Variants in DYRK4 observed in about 807,000 individuals in gnomAD.
The protein encoded by DYRK4 is dual specificity tyrosine phosphorylation regulated kinase 4.
In DYRK4, 64 loss-of-function variants were observed where a neutral mutation model predicts 68.3. The ratio of observed to expected loss-of-function variants is 0.94; its 90% CI spans 0.77 to 1.15. DYRK4 has a LOEUF of 1.15. DYRK4 is among the 50% of genes most tolerant of loss of function. DYRK4 has a pLI of 0.00. For synonymous variants in DYRK4, 274 were observed against 289.9 expected, an observed-to-expected ratio of 0.95 and a Z score of 0.56; for missense variants, 740 against 764.7, an observed-to-expected ratio of 0.97 and a Z score of 0.38.
At chr12:4,567,191 T>C (rs1009335727) in intron 1 of DYRK4, 6 of 152,284 alleles carry the variant, frequency 3.9e-5, no homozygotes, top group African/African-American at 1.4e-4. Context: ...ATCATTTATA[T>C]GGTGTCTGCA....
chr12:4,596,411 C>T, intron 7 of DYRK4, 126 bp downstream of exon 7: 1 of 1,529,940 alleles, frequency 6.5e-7, no homozygotes, highest in Non-Finnish European at 8.7e-7. Context: ...TTTTCTCTTT[C>T]TACCCGTCTG....
At chr12:4,572,405 C>A (rs1285585482) in intron 2 of DYRK4, among the ~76,000 whole-genome samples, 3 of 152,140 alleles carry the variant, frequency 2.0e-5, no homozygotes, top group African/African-American at 7.2e-5. Context: ...CCTCAGCCTC[C>A]GGAGTAGCTG....
intron 10 of DYRK4, among the ~76,000 whole-genome samples, chr12:4,603,933 G>A (rs1249344443): frequency 6.6e-6 from 1 of 152,066 alleles, no homozygotes; most frequent in Non-Finnish European, 1.5e-5. Context: ...TATTTTAACT[G>A]TGAGGCAGTA....
In DYRK4 at chr12:4,562,226, G is replaced by C. The variant is rs529572151; in HGVS notation, c.-20G>C. The C allele has an allele frequency of 8.6e-5, 131 of 1,524,370 alleles. No homozygotes were observed. In the African/African-American group the frequency reaches 1.6e-3, roughly 18 times the overall value. The allele number at this position is 1,524,370 out of a possible 1,614,324, so 94.4% of individuals were successfully genotyped here. A position where few individuals can be genotyped will look rare whatever the true frequency, so the allele number is the denominator to read the frequency against. ...GGCTCTCACAGCCTCCCGCAGCGGC[G>C]GGCGGTCAGCGCCGGCCTCATGCAG... On this transcript the variant is annotated 5_prime_UTR_variant, in exon 1 of 15. Transcript: ENST00000543431.
intron 13 of DYRK4, among the ~76,000 whole-genome samples, chr12:4,610,846 A>G (rs1401397895): frequency 1.3e-5 from 2 of 152,226 alleles, no homozygotes; most frequent in South Asian, 2.1e-4. Context: ...AATCTTAGAA[A>G]TTAGATCTGT....
chr12:4,607,828 C>A (rs1345103169), intron 12 of DYRK4, among the ~76,000 whole-genome samples: 2 of 152,170 alleles, frequency 1.3e-5, no homozygotes, highest in Non-Finnish European at 2.9e-5. Context: ...TGCTAAAATT[C>A]TTCTTATCCT....
At chr12:4,585,741 A>T (rs1182662217) in intron 2 of DYRK4, among the ~76,000 whole-genome samples, 1 of 152,266 alleles carries the variant, frequency 6.6e-6, no homozygotes, top group Non-Finnish European at 1.5e-5. Flanking sequence ...ACAAACCTGC[A>T]CGTTGTGCAC....
chr12:4,601,712 A>ATATATC (rs1411158678), intron 10 of DYRK4, among the ~76,000 whole-genome samples: 7 of 152,196 alleles, frequency 4.6e-5, no homozygotes, highest in African/African-American at 1.7e-4. Flanking sequence ...TACTTTACAT[A>ATATATC]TATATCTTTT....
intron 10 of DYRK4, chr12:4,602,340 C>G (rs749303451): frequency 4.5e-6 from 4 of 896,968 alleles, no homozygotes; most frequent in Non-Finnish European, 7.4e-6. Context: ...GTTGCTCTTC[C>G]TCTCTTTTCA....
chr12:4,603,109 G>A lies in DYRK4; in HGVS notation c.1127-1805G>A. The A allele has an allele frequency of 2.2e-6, 3 of 1,392,020 alleles. No individual in the cohort carries two copies. In the South Asian group the frequency reaches 3.6e-5, roughly 17 times the overall value. 86.2% of individuals were successfully genotyped at this position (1,392,020 alleles called of 1,614,324 possible). A position where few individuals can be genotyped will look rare whatever the true frequency, so the allele number is the denominator to read the frequency against. On this transcript the variant is annotated intron_variant, in intron 10 of 14. Transcript: ENST00000543431. ...TCTGGCTTTCTAGTTTGGACTCCTG[G>A]AAAGAGTTTTCACTATCTGAATCTG...
intron 6 of DYRK4, among the ~76,000 whole-genome samples, chr12:4,594,368 C>T (rs550301365): frequency 3.9e-5 from 6 of 152,210 alleles, no homozygotes; most frequent in African/African-American, 1.2e-4. Context: ...GGATTACAGG[C>T]GCCCGCCACC....
intron 10 of DYRK4, chr12:4,601,876 TTGTGTGTGTGTGTGTGTGTG>T (rs58259135): frequency 3.8e-5 from 6 of 157,536 alleles, no homozygotes; most frequent in Admixed American, 1.3e-4. Flanking sequence ...TCTGTAGGGT[TTGTGTGTGTGTGTGTGTGTG>T]TGTGTGTGTG....
At position 4,564,163 on chromosome 12, in the gene DYRK4, TA is replaced by T. The variant is rs1944654677; in HGVS notation, c.38+1881del. Among the ~76,000 whole-genome samples the T allele has an allele frequency of 2.0e-5, 3 of 152,294 alleles. No individual in the cohort carries two copies. In the South Asian group the frequency reaches 6.2e-4, roughly 32 times the overall value. On this transcript the variant is annotated intron_variant, in intron 1 of 14. Transcript: ENST00000543431. ...TGGCAGAAATGAGTGTGACTTAAAATACATTTAGATAGAAGAAATAAGACCT... is the reference window on the plus strand; with the variant it reads ...TGGCAGAAATGAGTGTGACTTAAAATCATTTAGATAGAAGAAATAAGACCT...
intron 13 of DYRK4, among the ~76,000 whole-genome samples, chr12:4,611,081 TA>T (rs896616486): frequency 1.8e-4 from 28 of 152,200 alleles, no homozygotes; most frequent in African/African-American, 6.8e-4. Flanking sequence ...ATCAGTCCTA[TA>T]ATTTAGTATT....
chr12:4,595,635 G>T (rs1369920718), intron 6 of DYRK4, among the ~76,000 whole-genome samples: 1 of 152,018 alleles, frequency 6.6e-6, no homozygotes, highest in Non-Finnish European at 1.5e-5. Flanking sequence ...ACCAAATTTG[G>T]CCAGGAAGAG....
At chr12:4,589,187 TCTC>T (rs2137358930) in intron 3 of DYRK4, among the ~76,000 whole-genome samples, 170 bp downstream of exon 3, 1 of 152,268 alleles carries the variant, frequency 6.6e-6, no homozygotes, top group African/African-American at 2.4e-5. Flanking sequence ...CCACGCCCCA[TCTC>T]CTCCACATGA....
chr12:4,572,283 CT>C (rs541896180), intron 2 of DYRK4, among the ~76,000 whole-genome samples: 1 of 152,004 alleles, frequency 6.6e-6, no homozygotes, highest in East Asian at 1.9e-4. Context: ...GGGTCATGGA[CT>C]TTTTTTTGTT....
intron 3 of DYRK4, 80 bp downstream of exon 3, chr12:4,589,097 T>A (rs1944926395): frequency 7.7e-7 from 1 of 1,293,926 alleles, no homozygotes; most frequent in South Asian, 1.3e-5. Context: ...GAACAGACAG[T>A]TTTGGCCAAT....
At chr12:4,602,111 G>A (rs1945088131) in intron 10 of DYRK4, 1 of 528,536 alleles carries the variant, frequency 1.9e-6, no homozygotes, top group Non-Finnish European at 3.5e-6. Flanking sequence ...TTCTTTCATA[G>A]GCTGATATCC....
Sources: allele counts gnomAD v4.1 joint callset (sites outside exome capture counted in the v4.1 genomes callset), GRCh38; gene constraint gnomAD v4.1.1; transcripts MANE v1.5; gene names NCBI Gene and HGNC (gene_info 2026-07-23, HGNC 2026-07-21).